The following KIF3C variants were observed in gnomAD, a reference collection of about 807,000 sequenced individuals.
KIF3C encodes the protein kinesin-like protein KIF3C.
Under a neutral mutation model 67.7 loss-of-function variants are expected in KIF3C, and 12 were observed. The ratio of observed to expected loss-of-function variants is 0.18; its 90% confidence interval spans 0.11 to 0.29. KIF3C has a LOEUF of 0.29. KIF3C is among the 10% of genes least tolerant of loss of function. The probability of loss-of-function intolerance (pLI) is 1.00; values close to 1 mark genes in which losing one functional copy is unlikely to be tolerated. For missense variants in KIF3C, 789 were observed against 1,059.6 expected, an observed-to-expected ratio of 0.74 and a Z score of 3.55; for synonymous variants, 393 against 426.2, an observed-to-expected ratio of 0.92 and a Z score of 0.96.
intron 5 of KIF3C, among the ~76,000 whole-genome samples, chr2:25,932,853 C>T (rs915420562): frequency 1.4e-5 from 2 of 145,958 alleles, no homozygotes; most frequent in Admixed American, 1.4e-4. Context: ...CAAAACAAAA[C>T]AAAACAAAAC....
At chr2:25,952,674 C>T (rs1663654288) in intron 4 of KIF3C, among the ~76,000 whole-genome samples, 1 of 151,826 alleles carries the variant, frequency 6.6e-6, no homozygotes, top group Non-Finnish European at 1.5e-5. Context: ...TCTCCTGCCT[C>T]AGCCTCCTGA....
At chr2:25,952,057 C>G in intron 4 of KIF3C, 152 bp from the exon 5 acceptor site, 4 of 592,390 alleles carry the variant, frequency 6.8e-6, no homozygotes, top group Non-Finnish European at 1.2e-5. Flanking sequence ...TTTGGGAGAC[C>G]AAGGCGGGCG....
intron 1 of KIF3C, among the ~76,000 whole-genome samples, chr2:25,962,592 G>C (rs938207886): frequency 6.7e-6 from 1 of 149,068 alleles, no homozygotes; most frequent in African/African-American, 2.5e-5. Flanking sequence ...GGTCAGGCTG[G>C]TCTTGAACTC....
intron 5 of KIF3C, among the ~76,000 whole-genome samples, chr2:25,946,918 G>A (rs762921253): frequency 8.6e-5 from 13 of 151,980 alleles, no homozygotes; most frequent in African/African-American, 2.2e-4. Flanking sequence ...TCGGGAGGCC[G>A]AGGTAGGCGG....
At chr2:25,942,691 T>C (rs1265762485) in intron 5 of KIF3C, among the ~76,000 whole-genome samples, 1 of 152,194 alleles carries the variant, frequency 6.6e-6, no homozygotes, top group Non-Finnish European at 1.5e-5. Context: ...ATTACAGGCG[T>C]GAGCCACCGC....
intron 1 of KIF3C, among the ~76,000 whole-genome samples, chr2:25,961,524 T>C (rs1663942004): frequency 6.6e-6 from 1 of 152,148 alleles, no homozygotes; most frequent in Non-Finnish European, 1.5e-5. Context: ...CTCTACTAAT[T>C]AAATGATAGC....
intron 1 of KIF3C, among the ~76,000 whole-genome samples, chr2:25,961,042 T>C (rs996205158): frequency 3.3e-5 from 5 of 152,200 alleles, no homozygotes; most frequent in South Asian, 2.1e-4. Context: ...GGTGACTCCT[T>C]TAGGAAGCAG....
chr2:25,973,346 G>A (rs934137963), intron 1 of KIF3C, among the ~76,000 whole-genome samples: 1 of 152,058 alleles, frequency 6.6e-6, no homozygotes, highest in African/African-American at 2.4e-5. Context: ...CTGAGGTCAG[G>A]AGCTCAAGAC....
chr2:25,929,402 C>G lies in KIF3C; in HGVS notation c.2191G>C (p.Glu731Gln), dbSNP rs776637487. Residue 731 changes from glutamate (E) to glutamine (Q), a missense_variant, in exon 7 of 8, where the codon GAA becomes CAA. By Grantham distance (29) the Glu-to-Gln change is conservative (BLOSUM62 2). This residue lies in a region of KIF3C where 648 missense variants were observed against 807.8 expected (regional missense o/e 0.80). Transcript: ENST00000264712. ...VFEMEFSHDQEQDPRALHMER... is the reference protein window; with the variant it reads ...VFEMEFSHDQQQDPRALHMER... ...ATGTGTAGCGCACGAGGGTCTTGTT[C>G]TTGGTCGTGAGAGAATTCCATCTCA... is the stretch of plus-strand genomic sequence containing the variant. 3.7e-6 allele frequency: 6 copies of G among 1,613,980 alleles called. No homozygotes were observed. The highest frequency in any genetic ancestry group is 2.5e-6 in the Non-Finnish European group (3 of 1,180,002).
intron 5 of KIF3C, among the ~76,000 whole-genome samples, chr2:25,934,404 C>T (rs1192581541): frequency 1.3e-5 from 2 of 151,794 alleles, no homozygotes; most frequent in African/African-American, 2.4e-5. Context: ...CATGGTGAGA[C>T]CCTTTCCCTG....
Position 25,954,271 on chromosome 2 carries a change from G to A in KIF3C, c.1885C>T (p.Leu629Phe). The A allele has an allele frequency of 6.2e-7, 1 of 1,612,928 alleles. No homozygotes were observed. The highest frequency in any genetic ancestry group is 8.5e-7 in the Non-Finnish European group (1 of 1,178,900). Residue 629 changes from leucine to phenylalanine, a missense_variant, in exon 4 of 8, where the codon CTC becomes TTC. Physicochemically the swap from Leu to Phe is conservative, Grantham distance 22. Around this residue, in one of 2 missense-constraint regions of KIF3C, gnomAD observed 648 missense variants for 807.8 expected, o/e 0.80. Transcript: ENST00000264712. The part of the protein sequence containing the change: ...AQNEQTRELK[L>F]KYLIIENFIP... ...GAAAAGAGCTGCGGGCCCTACTTGA[G>A]CTTGAGTTCGCGGGTCTGCTCGTTC...
intron 1 of KIF3C, among the ~76,000 whole-genome samples, chr2:25,977,053 TA>T (rs1664437125): frequency 7.1e-6 from 1 of 140,800 alleles, no homozygotes; most frequent in Non-Finnish European, 1.6e-5. Flanking sequence ...CCCCAGACAC[TA>T]CATAAGTATA....
intron 1 of KIF3C, among the ~76,000 whole-genome samples, chr2:25,978,397 G>A (rs1664472461): frequency 6.6e-6 from 1 of 152,156 alleles, no homozygotes; most frequent in Admixed American, 6.6e-5. Flanking sequence ...GTAACATTAG[G>A]ACTCAAGCAG....
Position 25,937,913 on chromosome 2 carries a change from G to A in KIF3C, c.2007-7850C>T, listed in dbSNP as rs184898720. On this transcript the variant is annotated intron_variant, in intron 5 of 7. Coordinates refer to ENST00000264712, the MANE Select transcript of KIF3C (RefSeq NM_002254.8). Reference sequence around the variant, plus strand: ...CTACTAAAAATATAAAAATTAGCTGGGTGTGGTAGCATGCACCTGTAGTCC... The same window carrying A: ...CTACTAAAAATATAAAAATTAGCTGAGTGTGGTAGCATGCACCTGTAGTCC... 3.5e-4 allele frequency among the ~76,000 whole-genome samples: 52 copies of A among 148,512 alleles called. 1 individual carries two copies. The highest frequency in any genetic ancestry group is 3.0e-3 in the Admixed American group (45 of 14,824).
Position 25,929,444 on chromosome 2 carries a change from A to G in KIF3C, c.2149T>C (p.Ser717Pro). ...TCCATCTCAAAGACAGCTGGAGGGGACACATCCAACTCCAGAAACATTATG... is the reference window on the plus strand; with the variant it reads ...TCCATCTCAAAGACAGCTGGAGGGGGCACATCCAACTCCAGAAACATTATG... ...ENIMFLELDVSPPAVFEMEFS... is the reference protein window; with the variant it reads ...ENIMFLELDVPPPAVFEMEFS... Residue 717 changes from serine (S) to proline (P), a missense_variant, in exon 7 of 8, where the codon TCC becomes CCC. Coordinates refer to ENST00000264712, the MANE Select transcript of KIF3C (RefSeq NM_002254.8). 1 of 1,613,914 alleles carries G rather than the reference A, an allele frequency of 6.2e-7. No homozygotes were observed. The highest frequency in any genetic ancestry group is 1.3e-5 in the African/African-American group (1 of 74,976).
intron 1 of KIF3C, among the ~76,000 whole-genome samples, chr2:25,965,035 C>T (rs192582929): frequency 3.0e-4 from 45 of 152,330 alleles, no homozygotes; most frequent in Non-Finnish European, 6.0e-4. Flanking sequence ...GAATCCTGGA[C>T]GATGACTAAC....
intron 1 of KIF3C, among the ~76,000 whole-genome samples, chr2:25,957,092 G>C (rs1436268950): frequency 6.6e-6 from 1 of 152,162 alleles, no homozygotes; most frequent in African/African-American, 2.4e-5. Context: ...TTGGAACACC[G>C]CCTATGTTCC....
chr2:25,954,392 G>A lies in KIF3C; in HGVS notation c.1771-7C>T. The A allele has an allele frequency of 1.2e-6, 2 of 1,609,054 alleles. No homozygotes were observed. The highest frequency in any genetic ancestry group is 1.7e-6 in the Non-Finnish European group (2 of 1,176,478). On this transcript the variant is annotated splice_polypyrimidine_tract_variant and splice_region_variant and intron_variant, in intron 3 of 7. Transcript: ENST00000264712. The stretch of plus-strand genomic sequence containing the variant: ...CCTGCAGCTTGGCGTAGAGCTGGGT[G>A]GGGACAGGTGCCACTCAGAGGCTGC...
At chr2:25,962,955 T>C (rs1435818288) in intron 1 of KIF3C, among the ~76,000 whole-genome samples, 1 of 41,064 alleles carries the variant, frequency 2.4e-5, no homozygotes, top group Non-Finnish European at 3.5e-5. Context: ...ATATATAATA[T>C]ATAATATATA....
Sources: allele counts gnomAD v4.1 joint callset (sites outside exome capture counted in the v4.1 genomes callset), GRCh38; gene constraint gnomAD v4.1.1; regional missense constraint gnomAD v4.1.1; transcripts MANE v1.5; gene names NCBI Gene and HGNC (gene_info 2026-07-23, HGNC 2026-07-21).